TMEM44: variants seen among roughly 807,000 people sequenced by gnomAD.
TMEM44 encodes transmembrane protein 44.
In TMEM44, 43 loss-of-function variants were observed where a neutral mutation model predicts 47.8. The ratio of observed to expected loss-of-function variants is 0.90; its 90% CI spans 0.70 to 1.16. The LOEUF is 1.16. Ranked by LOEUF, TMEM44 falls within the 50% of genes most tolerant of loss-of-function variation. The pLI, the probability that TMEM44 is intolerant of heterozygous loss-of-function variation, is 0.00. For synonymous variants in TMEM44, 277 were observed against 238.8 expected, an observed-to-expected ratio of 1.16 and a Z score of -1.48; for missense variants, 568 against 555.2, an observed-to-expected ratio of 1.02 and a Z score of -0.23.
At chr3:194,631,691 G>A (rs1250997486) in intron 1 of TMEM44, among the ~76,000 whole-genome samples, 3 of 152,146 alleles carry the variant, frequency 2.0e-5, no homozygotes, top group East Asian at 1.9e-4. Context: ...CTTCACACGC[G>A]GGGGCTTTGC....
At chr3:194,598,178 G>T (rs1300580385) in intron 9 of TMEM44, among the ~76,000 whole-genome samples, 1 of 152,110 alleles carries the variant, frequency 6.6e-6, no homozygotes, top group African/African-American at 2.4e-5. Flanking sequence ...CACATGACAT[G>T]ATTCGTCTGG....
intron 5 of TMEM44, chr3:194,622,851 A>C (rs1577215918): frequency 6.2e-6 from 1 of 161,408 alleles, no homozygotes; most frequent in African/African-American, 2.9e-5. Flanking sequence ...GCCCGGCCTA[A>C]GACACTCTTG....
At chr3:194,620,717 T>C (rs1451138305) in intron 5 of TMEM44, among the ~76,000 whole-genome samples, 5 of 152,034 alleles carry the variant, frequency 3.3e-5, no homozygotes, top group Admixed American at 6.6e-5. Context: ...TTGCAATGTG[T>C]GCCCCCAAAA....
chr3:194,616,656 C>T (rs1715925311), intron 6 of TMEM44: 1 of 450,740 alleles, frequency 2.2e-6, no homozygotes, highest in East Asian at 7.0e-5. Flanking sequence ...TGCCTTCACA[C>T]ACACCCCACC....
intron 7 of TMEM44, among the ~76,000 whole-genome samples, chr3:194,613,468 A>G (rs1773158): frequency 0.87 from 131,600 of 151,838 alleles, 57,216 homozygotes; most frequent in South Asian, 0.92. Flanking sequence ...ATGAGGCACC[A>G]TGCCTGGCTT....
chr3:194,599,390 C>T (rs2109159944), intron 9 of TMEM44, among the ~76,000 whole-genome samples: 1 of 152,298 alleles, frequency 6.6e-6, no homozygotes, highest in South Asian at 2.1e-4. Flanking sequence ...AAAGACACCG[C>T]CTCGCCCACC....
At chr3:194,603,180 C>T (rs1714350025) in intron 9 of TMEM44, among the ~76,000 whole-genome samples, 1 of 152,192 alleles carries the variant, frequency 6.6e-6, no homozygotes, top group Non-Finnish European at 1.5e-5. Flanking sequence ...AGAGAGAGAA[C>T]AGCTCAGACC....
rs1717379349 is a variant in TMEM44 at position 194,628,219 on chromosome 3, C to T, written c.264+164G>A. ...GCCAAGTGGATATTGGGAACAAGAG[C>T]CTCTGAGGGGGGCAGAAGGAACAGC... On this transcript the variant is annotated intron_variant, in intron 2 of 9. Transcript: ENST00000347147. 3.3e-5 allele frequency among the ~76,000 whole-genome samples: 5 copies of T among 152,156 alleles called. No individual in the cohort carries two copies. The South Asian group carries it at 1.0e-3, about 32-fold the overall frequency.
chr3:194,621,948 G>A (rs976328490), intron 5 of TMEM44, among the ~76,000 whole-genome samples: 1 of 152,160 alleles, frequency 6.6e-6, no homozygotes, highest in African/African-American at 2.4e-5. Flanking sequence ...CTGACCTCAG[G>A]TGATCCACCT....
At chr3:194,608,933 C>A (rs1290074259) in intron 8 of TMEM44, among the ~76,000 whole-genome samples, 1 of 152,144 alleles carries the variant, frequency 6.6e-6, no homozygotes, top group East Asian at 1.9e-4. Context: ...ATGGGCAGGG[C>A]AGGACCACAG....
rs757748333 is a variant in TMEM44, at chr3:194,628,503, G to C, written c.144C>G (p.Leu48=). 1 of 1,612,678 alleles carries C rather than the reference G, an allele frequency of 6.2e-7. No homozygotes were observed. Among genetic ancestry groups the C allele is most frequent in the Admixed American group, 1.7e-5 (1 of 59,872 alleles). The part of the protein sequence containing the change: ...SCWIAAHALL[L]YLRCAQKPRQ... Reference sequence around the variant, plus strand: ...TGGGTTTCTGTGCACATCTCAGATAGAGAAGCCTGGGGTGACAGGGGTGTG... The same window carrying C: ...TGGGTTTCTGTGCACATCTCAGATACAGAAGCCTGGGGTGACAGGGGTGTG... Residue 48 remains leucine, a synonymous_variant, in exon 2 of 10, where the codon CTC becomes CTG. Coordinates refer to ENST00000347147, the MANE Select transcript of TMEM44 (RefSeq NM_001011655.3).
chr3:194,625,077 G>A (rs939080001), intron 3 of TMEM44, among the ~76,000 whole-genome samples: 5 of 152,116 alleles, frequency 3.3e-5, no homozygotes, highest in South Asian at 2.1e-4. Flanking sequence ...TCAAGAAGCC[G>A]CAACCACAGA....
intron 8 of TMEM44, among the ~76,000 whole-genome samples, chr3:194,608,722 G>A (rs905474552): frequency 2.0e-5 from 3 of 152,180 alleles, no homozygotes; most frequent in African/African-American, 7.2e-5. Flanking sequence ...GTGAACAGGA[G>A]ACGAGAGATG....
At chr3:194,590,769 C>G (rs1362984661) in intron 9 of TMEM44, among the ~76,000 whole-genome samples, 3 of 152,108 alleles carry the variant, frequency 2.0e-5, no homozygotes, top group African/African-American at 4.8e-5. Context: ...TAGGGTGATT[C>G]TTAGATGCCC....
intron 5 of TMEM44, among the ~76,000 whole-genome samples, chr3:194,621,687 G>A (rs905242139): frequency 4.0e-5 from 6 of 151,766 alleles, no homozygotes; most frequent in Non-Finnish European, 2.9e-5. Flanking sequence ...CCCTGGAGCT[G>A]CTATTCAACC....
intron 9 of TMEM44, chr3:194,592,898 C>A: frequency 4.1e-6 from 4 of 973,384 alleles, no homozygotes; most frequent in Non-Finnish European, 6.4e-6. Flanking sequence ...CAGGTGTGAG[C>A]CACCGCGCCT....
intron 9 of TMEM44, among the ~76,000 whole-genome samples, chr3:194,593,684 T>C (rs1713031652): frequency 6.6e-6 from 1 of 152,198 alleles, no homozygotes; most frequent in Admixed American, 6.5e-5. Context: ...GAATATCTGT[T>C]ACATTGATCT....
rs755616210 is a variant in TMEM44, at chr3:194,623,665, C to A, written c.389G>T (p.Arg130Leu). The change falls in exon 4 of 10, where the codon CGG becomes CTG. Residue 130 changes from arginine (R) to leucine (L), a missense_variant. Physicochemically the swap from Arg to Leu is moderately radical, Grantham distance 102. Transcript: ENST00000347147. ...DREARERKRRRQLRASVFALA... is the reference protein window; with the variant it reads ...DREARERKRRLQLRASVFALA... ...GGCAAACACACTGGCCCTGAGCTGC[C>A]GCCTCCTCTTCCTCTCTCGGGCTTC... The A allele has an allele frequency of 4.3e-6, 7 of 1,613,618 alleles. No individual in the cohort carries two copies. Among genetic ancestry groups the A allele is most frequent in the Non-Finnish European group, 5.9e-6 (7 of 1,180,000 alleles).
At chr3:194,600,486 C>T (rs111629560) in intron 9 of TMEM44, among the ~76,000 whole-genome samples, 1,960 of 151,658 alleles carry the variant, frequency 0.013, 43 homozygotes, top group African/African-American at 0.045. Context: ...AGGTGGCTCA[C>T]GCCTGTAATC....
Sources: allele counts gnomAD v4.1 joint callset (sites outside exome capture counted in the v4.1 genomes callset), GRCh38; gene constraint gnomAD v4.1.1; transcripts MANE v1.5; gene names NCBI Gene and HGNC (gene_info 2026-07-23, HGNC 2026-07-21).